The following PCDH11Y variants were observed in gnomAD, a reference collection of about 807,000 sequenced individuals.
The protein encoded by PCDH11Y is protocadherin-11 Y-linked.
For synonymous variants in PCDH11Y, 9 were observed against 83.6 expected (o/e 0.11, Z 4.87); for missense variants, 12 against 224.8 (o/e 0.05, Z 6.05).
At chrY:5,384,792 ATT>A in intron 2 of PCDH11Y, among the ~76,000 whole-genome samples, 1 of 26,765 alleles carries the variant, frequency 3.7e-5, no homozygotes, top group Middle Eastern at 0.018. Flanking sequence ...AGGTTACCTC[ATT>A]TTTTTTTTTT....
intron 4 of PCDH11Y, among the ~76,000 whole-genome samples, chrY:5,613,272 C>G: frequency 3.3e-5 from 1 of 30,154 alleles, no homozygotes; most frequent in African/African-American, 1.3e-4. Flanking sequence ...AAATGAGAAG[C>G]ATCTGCTGAA....
chrY:5,368,975 G>C (rs2053184566), intron 2 of PCDH11Y, among the ~76,000 whole-genome samples: 3 of 33,031 alleles, frequency 9.1e-5, no homozygotes, highest in Non-Finnish European at 1.5e-4. Flanking sequence ...CTTCCATTTG[G>C]AACAGCTGTA....
intron 2 of PCDH11Y, among the ~76,000 whole-genome samples, chrY:5,450,228 T>G: frequency 6.1e-5 from 2 of 33,033 alleles, no homozygotes; most frequent in Non-Finnish European, 1.5e-4. Flanking sequence ...TCTACCAAAA[T>G]TATCAAAATA....
At chrY:5,243,706 C>A in intron 2 of PCDH11Y, among the ~76,000 whole-genome samples, 3 of 29,865 alleles carry the variant, frequency 1.0e-4, no homozygotes, top group Non-Finnish European at 2.3e-4. Flanking sequence ...GGAAACACTG[C>A]ATAGGGCTAC....
At chrY:5,374,395 C>G in intron 2 of PCDH11Y, among the ~76,000 whole-genome samples, 1 of 27,757 alleles carries the variant, frequency 3.6e-5, no homozygotes, top group Non-Finnish European at 8.3e-5. Context: ...CTCTCTCTTT[C>G]TCTCACTCTC....
intron 2 of PCDH11Y, among the ~76,000 whole-genome samples, chrY:5,146,910 A>G (rs1602876193): frequency 2.6e-3 from 58 of 22,572 alleles, no homozygotes; most frequent in African/African-American, 8.8e-3. Flanking sequence ...AGAGGAAGGT[A>G]GAGGGACTTG....
intron 2 of PCDH11Y, among the ~76,000 whole-genome samples, chrY:5,374,960 G>A (rs2053196474): frequency 9.0e-5 from 3 of 33,166 alleles, no homozygotes; most frequent in African/African-American, 1.2e-4. Flanking sequence ...TCATTTATTC[G>A]TTCATCCATT....
At chrY:5,251,606 C>A in intron 2 of PCDH11Y, among the ~76,000 whole-genome samples, 3 of 28,975 alleles carry the variant, frequency 1.0e-4, no homozygotes, top group Non-Finnish European at 2.5e-4. Flanking sequence ...CTATGTTTTG[C>A]ATTTTGTTAA....
At chrY:5,670,563 G>C in intron 4 of PCDH11Y, among the ~76,000 whole-genome samples, 1 of 32,673 alleles carries the variant, frequency 3.1e-5, no homozygotes, top group Non-Finnish European at 7.6e-5. Flanking sequence ...TCATATACTT[G>C]TTTGACATCT....
chrY:5,485,248 T>G (rs2053330683), intron 2 of PCDH11Y, among the ~76,000 whole-genome samples: 1 of 33,446 alleles, frequency 3.0e-5, no homozygotes, highest in African/African-American at 1.2e-4. Context: ...CCACTTCGAT[T>G]TTTTTAACAG....
At chrY:5,336,262 TTTTA>T (rs2053136683) in intron 2 of PCDH11Y, among the ~76,000 whole-genome samples, 1 of 32,207 alleles carries the variant, frequency 3.1e-5, no homozygotes, top group African/African-American at 1.2e-4. Flanking sequence ...CTCATTTTTC[TTTTA>T]TTTATTTATT....
intron 3 of PCDH11Y, among the ~76,000 whole-genome samples, chrY:5,578,365 AT>A (rs2053448172): frequency 5.7e-4 from 19 of 33,162 alleles, no homozygotes; most frequent in African/African-American, 2.0e-3. Flanking sequence ...CACTGATTTC[AT>A]TTTTTTTCAT....
intron 1 of PCDH11Y, among the ~76,000 whole-genome samples, chrY:5,069,239 C>CA (rs2052694983): frequency 9.3e-5 from 3 of 32,343 alleles, no homozygotes; most frequent in East Asian, 8.2e-4. Context: ...TACACACACA[C>CA]AAAAAAAACA....
intron 2 of PCDH11Y, among the ~76,000 whole-genome samples, chrY:5,111,286 C>T: frequency 6.1e-5 from 2 of 32,941 alleles, no homozygotes; most frequent in Admixed American, 2.8e-4. Flanking sequence ...TTAGTAGAAA[C>T]GGGGTTTCGC....
At chrY:5,652,742 CA>C (rs2053532571) in intron 4 of PCDH11Y, among the ~76,000 whole-genome samples, 1 of 32,592 alleles carries the variant, frequency 3.1e-5, no homozygotes, top group Non-Finnish European at 7.5e-5. Context: ...GAAGAACCGA[CA>C]GAAGACCTGT....
intron 3 of PCDH11Y, among the ~76,000 whole-genome samples, chrY:5,542,183 A>C: frequency 3.1e-5 from 1 of 32,459 alleles, no homozygotes; most frequent in Non-Finnish European, 7.6e-5. Context: ...GTGAAAAATA[A>C]AATGCTAACT....
chrY:5,330,952 T>G, intron 2 of PCDH11Y, among the ~76,000 whole-genome samples: 1 of 33,792 alleles, frequency 3.0e-5, no homozygotes, highest in African/African-American at 1.2e-4. Flanking sequence ...AAGTAATTAT[T>G]GCAAATTTTT....
At chrY:5,573,518 G>T in intron 3 of PCDH11Y, 1 of 314,191 alleles carries the variant, frequency 3.2e-6, no homozygotes, top group Non-Finnish European at 4.8e-6. Context: ...TCAAAGACTG[G>T]AGCCATTACT....
intron 2 of PCDH11Y, among the ~76,000 whole-genome samples, chrY:5,392,260 CTT>C (rs2053222017): frequency 3.4e-5 from 1 of 29,529 alleles, no homozygotes; most frequent in African/African-American, 1.3e-4. Flanking sequence ...GTCCCAGCTA[CTT>C]GGGAGGCTGA....
Sources: allele counts gnomAD v4.1 joint callset (sites outside exome capture counted in the v4.1 genomes callset), GRCh38; gene constraint gnomAD v4.1.1; transcripts MANE v1.5; gene names NCBI Gene and HGNC (gene_info 2026-07-23, HGNC 2026-07-21).